Variants in RHEB observed in about 807,000 individuals in gnomAD.
The protein encoded by RHEB is GTP-binding protein Rheb.
In RHEB, 2 loss-of-function variants were observed where a neutral mutation model predicts 28.8. The observed-to-expected ratio is 0.07, with a 90% CI of 0.03 to 0.22. The LOEUF (loss-of-function observed/expected upper bound fraction) is 0.22, where lower values mean the gene tolerates loss of function less well. Among genes scored for constraint, RHEB ranks in the 10% least tolerant of loss-of-function variants. RHEB has a pLI of 1.00. For synonymous variants in RHEB, 69 were observed against 77.3 expected (o/e 0.89, Z 0.56); for missense variants, 76 against 219.9 (o/e 0.35, Z 4.14).
intron 1 of RHEB, among the ~76,000 whole-genome samples, chr7:151,515,068 C>A (rs1262885727): frequency 7.8e-5 from 11 of 140,382 alleles, no homozygotes; most frequent in African/African-American, 1.1e-4. Context: ...AAATAATAGC[C>A]AAAAAAAAAA....
chr7:151,503,097 A>G (rs1248133859), intron 1 of RHEB: 2 of 803,548 alleles, frequency 2.5e-6, no homozygotes, highest in Non-Finnish European at 4.5e-6. Context: ...ACTTTGGAAA[A>G]GGGAGCTGTA....
chr7:151,500,679 C>T (rs1034952610), intron 1 of RHEB, among the ~76,000 whole-genome samples: 4 of 151,986 alleles, frequency 2.6e-5, no homozygotes, highest in Non-Finnish European at 4.4e-5. Context: ...CCAGTCTCTA[C>T]AAAAAATTTT....
intron 1 of RHEB, among the ~76,000 whole-genome samples, chr7:151,511,486 A>C (rs977239508): frequency 6.6e-6 from 1 of 152,178 alleles, no homozygotes; most frequent in Non-Finnish European, 1.5e-5. Context: ...ACTTGCCCAT[A>C]AGAGCACAAC....
rs759047654 is a variant in RHEB, at chr7:151,468,031, T to C, written c.463-820A>G. On this transcript the variant is annotated intron_variant, in intron 7 of 7. Transcript: ENST00000262187. The surrounding 1 kb of genome is among the most constrained non-coding windows in gnomAD (Gnocchi z 4.3). ...CCACCGTGACTCCCAGACCCTGTCC[T>C]TGAAATGCAGTCCTGTGGTCATGAA... is the stretch of plus-strand genomic sequence containing the variant. Among the ~76,000 whole-genome samples the C allele has an allele frequency of 1.3e-5, 2 of 151,910 alleles. No individual in the cohort carries two copies. Among genetic ancestry groups the C allele is most frequent in the Non-Finnish European group, 2.9e-5 (2 of 67,974 alleles).
chr7:151,494,218 G>A (rs1262679861), intron 1 of RHEB, among the ~76,000 whole-genome samples: 1 of 152,188 alleles, frequency 6.6e-6, no homozygotes, highest in Non-Finnish European at 1.5e-5. Flanking sequence ...AGTGAAAGAG[G>A]GGCTAAGTAT....
chr7:151,487,239 T>C (rs1294181900), intron 2 of RHEB, among the ~76,000 whole-genome samples: 3 of 152,192 alleles, frequency 2.0e-5, no homozygotes, highest in Non-Finnish European at 2.9e-5. Flanking sequence ...TATTCAAGGT[T>C]ACAGTGAGCT....
intron 1 of RHEB, among the ~76,000 whole-genome samples, chr7:151,505,482 G>C (rs1031370901): frequency 3.3e-5 from 5 of 152,196 alleles, no homozygotes; most frequent in African/African-American, 1.2e-4. Context: ...TAGAAAGTTA[G>C]AAAGGCCGCC....
intron 1 of RHEB, among the ~76,000 whole-genome samples, chr7:151,491,473 C>T (rs1018366466): frequency 9.9e-5 from 15 of 152,224 alleles, no homozygotes; most frequent in South Asian, 4.1e-4. Flanking sequence ...CCATGGCTCA[C>T]GCCTGTAATC....
chr7:151,471,746 GT>G (rs1563091070), intron 4 of RHEB, 141 bp from the exon 5 acceptor site: 4 of 611,610 alleles, frequency 6.5e-6, no homozygotes, highest in African/African-American at 3.8e-5. Flanking sequence ...AAGAACTCCT[GT>G]TTTTTCCTAG....
intron 7 of RHEB, among the ~76,000 whole-genome samples, chr7:151,467,745 C>T (rs1412747419): frequency 6.6e-6 from 1 of 152,146 alleles, no homozygotes; most frequent in African/African-American, 2.4e-5. Context: ...ACTGCCCTCC[C>T]TATCTCCTGG....
rs970698183 is a variant in RHEB, at chr7:151,490,872, A to G, written c.124+71T>C. The G allele has an allele frequency of 1.0e-4, 116 of 1,149,010 alleles. 1 individual carries two copies. In the Admixed American group the frequency reaches 1.9e-3, roughly 19 times the overall value. The allele number at this position is 1,149,010 out of a possible 1,614,324, so 71.2% of individuals were successfully genotyped here. A position where few individuals can be genotyped will look rare whatever the true frequency, so the allele number is the denominator to read the frequency against. On this transcript the variant is annotated intron_variant, in intron 2 of 7. Transcript: ENST00000262187. ...TTTACCTCCTGCACTCAAAGCCTCC[A>G]TGAATACACAATGGCTATTTTACAC...
intron 3 of RHEB, among the ~76,000 whole-genome samples, chr7:151,478,183 G>A (rs896236399): frequency 2.0e-5 from 3 of 152,090 alleles, no homozygotes; most frequent in Admixed American, 6.5e-5. Flanking sequence ...TCAACAGCAC[G>A]CGCCACTGTC....
At chr7:151,493,314 T>C (rs1435896380) in intron 1 of RHEB, among the ~76,000 whole-genome samples, 2 of 152,114 alleles carry the variant, frequency 1.3e-5, no homozygotes, top group African/African-American at 4.8e-5. Flanking sequence ...CAACCCCCAC[T>C]GCCCCCATCT....
Position 151,468,683 on chromosome 7 carries a change from ACC to A in RHEB, c.463-1474_463-1473del, listed in dbSNP as rs1047939980. On this transcript the variant is annotated intron_variant, in intron 7 of 7. Coordinates refer to ENST00000262187, the MANE Select transcript of RHEB (RefSeq NM_005614.4). This position sits in a 1 kb window ranked among gnomAD's most constrained non-coding sequence, Gnocchi z 4.3. ...TCCACATCCTCCATCCACCAAGCTG[ACC>A]CACCCACTTGAATGTGGGCTCCCAT... Among the ~76,000 whole-genome samples the A allele has an allele frequency of 1.3e-5, 2 of 152,140 alleles. No individual in the cohort carries two copies. The highest frequency in any genetic ancestry group is 4.8e-5 in the African/African-American group (2 of 41,430).
intron 3 of RHEB, among the ~76,000 whole-genome samples, chr7:151,481,626 G>A (rs1317676076): frequency 1.3e-5 from 2 of 152,210 alleles, no homozygotes; most frequent in African/African-American, 2.4e-5. Context: ...CCACCATCCT[G>A]AGCTGTAAAT....
chr7:151,478,685 G>C (rs1179108780), intron 3 of RHEB, among the ~76,000 whole-genome samples: 4 of 152,068 alleles, frequency 2.6e-5, no homozygotes, highest in Non-Finnish European at 4.4e-5. Flanking sequence ...GCCCAGGCTG[G>C]AATGCAATGG....
intron 6 of RHEB, among the ~76,000 whole-genome samples, 191 bp downstream of exon 6, chr7:151,471,203 A>T (rs1168871120): frequency 1.3e-5 from 2 of 152,256 alleles, no homozygotes; most frequent in Non-Finnish European, 2.9e-5. Context: ...AGTTTCCTAT[A>T]AAGTTTGCTC....
At chr7:151,485,861 A>G (rs919079771) in intron 2 of RHEB, among the ~76,000 whole-genome samples, 2 of 152,204 alleles carry the variant, frequency 1.3e-5, no homozygotes, top group Non-Finnish European at 2.9e-5. Context: ...CAGGGGGGCC[A>G]AAAGTCAGGT....
intron 2 of RHEB, among the ~76,000 whole-genome samples, chr7:151,488,530 T>C (rs906155941): frequency 6.6e-6 from 1 of 152,248 alleles, no homozygotes; most frequent in African/African-American, 2.4e-5. Flanking sequence ...TTGTTATCAC[T>C]GAACAATGTT....
Sources: gnomAD v4.1 joint callset for allele counts (sites outside exome capture counted in the v4.1 genomes callset) on GRCh38, gnomAD v4.1.1 for gene constraint, Gnocchi (gnomAD v3.1) non-coding constraint, MANE v1.5 for transcripts, NCBI Gene and HGNC (gene_info 2026-07-23, HGNC 2026-07-21) for gene names.